Variants in RBFOX1 observed in about 807,000 individuals in gnomAD.
RBFOX1 encodes the protein RNA binding protein fox-1 homolog 1.
In RBFOX1, 8 loss-of-function variants were observed where a neutral mutation model predicts 57.7. The ratio of observed to expected loss-of-function variants is 0.14; its 90% CI spans 0.08 to 0.25. RBFOX1 has a LOEUF of 0.25. Among genes scored for constraint, RBFOX1 ranks in the 10% least tolerant of loss-of-function variants. RBFOX1 has a pLI of 1.00. For missense variants in RBFOX1, 611 were observed against 548.5 expected, an observed-to-expected ratio of 1.11 and a Z score of -1.14; for synonymous variants, 326 against 222.4, an observed-to-expected ratio of 1.47 and a Z score of -4.15.
At chr16:6,881,103 C>G (rs981595505) in intron 3 of RBFOX1, among the ~76,000 whole-genome samples, 1 of 152,176 alleles carries the variant, frequency 6.6e-6, no homozygotes, top group Non-Finnish European at 1.5e-5. Context: ...CTGAGCTGGT[C>G]TTACCATGCT....
At chr16:5,816,308 C>T (rs184064972) in intron 3 of RBFOX1, among the ~76,000 whole-genome samples, 8 of 152,304 alleles carry the variant, frequency 5.3e-5, no homozygotes, top group African/African-American at 1.4e-4. Context: ...TCTCTAACTG[C>T]CAGTACCCGT....
At chr16:6,773,170 T>TTG (rs746551090) in intron 3 of RBFOX1, among the ~76,000 whole-genome samples, 2 of 25,500 alleles carry the variant, frequency 7.8e-5, no homozygotes, top group East Asian at 3.8e-3. Flanking sequence ...TGGGGTGCAT[T>TTG]TGTGTGTGTG....
intron 3 of RBFOX1, among the ~76,000 whole-genome samples, chr16:5,727,934 A>G (rs999903076): frequency 3.3e-5 from 5 of 152,046 alleles, no homozygotes; most frequent in Middle Eastern, 3.2e-3. Flanking sequence ...TGGTCCTTCC[A>G]CCTTGGCCTC....
chr16:6,319,545 A>G (rs2081513459), intron 2 of RBFOX1, among the ~76,000 whole-genome samples: 3 of 152,200 alleles, frequency 2.0e-5, no homozygotes, highest in Admixed American at 2.0e-4. Context: ...CATTGACATT[A>G]GACAAGAGAC....
Position 7,067,650 on chromosome 16 carries a change from G to C in RBFOX1, c.27+15552G>C, listed in dbSNP as rs1385338043. Among the ~76,000 whole-genome samples, 4 of 151,178 alleles carry C rather than the reference G, an allele frequency of 2.6e-5. No homozygotes were observed. In the East Asian group the frequency reaches 7.9e-4, roughly 30 times the overall value. ...GGTGCACCCATTAACTCATCATTTA[G>C]CATTAGGTATATCTCCCAAAGCTAT... is the stretch of plus-strand genomic sequence containing the variant. On this transcript the variant is annotated intron_variant, in intron 4 of 15. Coordinates refer to ENST00000550418, the MANE Select transcript of RBFOX1 (RefSeq NM_018723.4).
intron 4 of RBFOX1, among the ~76,000 whole-genome samples, chr16:7,318,027 G>T (rs753559147): frequency 4.7e-4 from 72 of 152,094 alleles, no homozygotes; most frequent in Non-Finnish European, 8.8e-4. Flanking sequence ...TGATGGTGAT[G>T]ATGTGAAAAT....
chr16:7,379,523 G>T (rs1448448055), intron 4 of RBFOX1, among the ~76,000 whole-genome samples: 1 of 152,156 alleles, frequency 6.6e-6, no homozygotes, highest in Non-Finnish European at 1.5e-5. Context: ...AAAATACACT[G>T]GAGTTTTAGT....
At chr16:7,283,883 C>T (rs1003446445) in intron 4 of RBFOX1, among the ~76,000 whole-genome samples, 9 of 152,156 alleles carry the variant, frequency 5.9e-5, no homozygotes, top group Non-Finnish European at 4.4e-5. Flanking sequence ...TAACCACCAG[C>T]GTCCGCATGA....
chr16:5,347,765 C>T (rs2065173940), intron 1 of RBFOX1, among the ~76,000 whole-genome samples: 1 of 150,016 alleles, frequency 6.7e-6, no homozygotes, highest in Non-Finnish European at 1.5e-5. Flanking sequence ...CATCCACCCA[C>T]ACTTCCACCC....
chr16:7,648,060 G>T (rs139873937), intron 11 of RBFOX1, among the ~76,000 whole-genome samples: 14 of 152,172 alleles, frequency 9.2e-5, no homozygotes, highest in South Asian at 2.1e-4. Flanking sequence ...AATAATAAAA[G>T]CATCCATTCT....
intron 2 of RBFOX1, among the ~76,000 whole-genome samples, chr16:6,479,547 C>G (rs187977907): frequency 1.4e-4 from 22 of 151,856 alleles, no homozygotes; most frequent in African/African-American, 5.1e-4. Context: ...GAGATCATGC[C>G]ACTGTACTCT....
chr16:7,233,298 T>G (rs2093605508), intron 4 of RBFOX1, among the ~76,000 whole-genome samples: 1 of 152,038 alleles, frequency 6.6e-6, no homozygotes, highest in Non-Finnish European at 1.5e-5. Context: ...AGTCACCTCT[T>G]CAAAGACCTT....
chr16:6,483,298 T>A (rs1354092346), intron 2 of RBFOX1: 4 of 1,397,008 alleles, frequency 2.9e-6, no homozygotes, highest in Non-Finnish European at 3.7e-6. Context: ...GGCTGCTCGC[T>A]CTCGCGCCCG....
chr16:5,887,236 T>G (rs1327139768), intron 4 of RBFOX1, among the ~76,000 whole-genome samples: 2 of 152,200 alleles, frequency 1.3e-5, no homozygotes, highest in African/African-American at 4.8e-5. Flanking sequence ...GAATCCCCCA[T>G]GCATGGCAGC....
intron 1 of RBFOX1, among the ~76,000 whole-genome samples, chr16:6,167,162 A>G (rs2096924115): frequency 6.6e-6 from 1 of 152,222 alleles, no homozygotes; most frequent in African/African-American, 2.4e-5. Context: ...AAGAAGGGCA[A>G]AGGGTGTTGG....
chr16:6,187,082 GA>G lies in RBFOX1; in HGVS notation c.-126-129912del, dbSNP rs2097109957. On this transcript the variant is annotated intron_variant, in intron 1 of 15. Coordinates refer to ENST00000550418, the MANE Select transcript of RBFOX1 (RefSeq NM_018723.4). ...GAGCATCAGTTATCATGGACCAGTA[GA>G]GGGGATGCAACACTATATCAGAGAG... Among the ~76,000 whole-genome samples, 3 of 152,286 alleles carry G rather than the reference GA, an allele frequency of 2.0e-5. No homozygotes were observed. In the East Asian group the frequency reaches 5.8e-4, roughly 29 times the overall value.
intron 4 of RBFOX1, among the ~76,000 whole-genome samples, chr16:5,923,131 G>T (rs1239278427): frequency 6.6e-6 from 1 of 152,202 alleles, no homozygotes; most frequent in Non-Finnish European, 1.5e-5. Context: ...ATGCATATGA[G>T]AGATCAGAAA....
chr16:7,187,093 C>T (rs937286134), intron 4 of RBFOX1, among the ~76,000 whole-genome samples: 41 of 151,430 alleles, frequency 2.7e-4, no homozygotes, highest in African/African-American at 9.7e-4. Context: ...ACTTTAGCCT[C>T]ATGAGGTCAG....
At chr16:6,768,695 C>CTATA (rs146864975) in intron 3 of RBFOX1, among the ~76,000 whole-genome samples, 3,512 of 147,202 alleles carry the variant, frequency 0.024, 130 homozygotes, top group African/African-American at 0.082. Context: ...ATATATGTAC[C>CTATA]TATATATATA....
Sources: allele counts gnomAD v4.1 joint callset (sites outside exome capture counted in the v4.1 genomes callset), GRCh38; gene constraint gnomAD v4.1.1; transcripts MANE v1.5; gene names NCBI Gene and HGNC (gene_info 2026-07-23, HGNC 2026-07-21).